The following RCAN1 variants were observed in gnomAD, a reference collection of about 807,000 sequenced individuals.
The protein encoded by RCAN1 is calcipressin-1.
In RCAN1, 11 loss-of-function variants were observed where a neutral mutation model predicts 22.9. The ratio of observed to expected loss-of-function variants is 0.48; its 90% CI spans 0.30 to 0.79. The LOEUF (loss-of-function observed/expected upper bound fraction) is 0.79. Ranked by LOEUF, RCAN1 falls within the 30% of genes least tolerant of loss-of-function variation. The pLI, the probability that RCAN1 is intolerant of heterozygous loss-of-function variation, is 0.06. For synonymous variants in RCAN1, 136 were observed against 142.3 expected, an observed-to-expected ratio of 0.96 and a Z score of 0.32; for missense variants, 291 against 337.8, an observed-to-expected ratio of 0.86 and a Z score of 1.09.
At chr21:34,605,973 G>A (rs1292325853) in intron 1 of RCAN1, among the ~76,000 whole-genome samples, 1 of 151,018 alleles carries the variant, frequency 6.6e-6, no homozygotes, top group Non-Finnish European at 1.5e-5. Context: ...AGAGTTAGCT[G>A]AAACTGGGTT....
At chr21:34,547,940 C>T (rs1412775811) in intron 1 of RCAN1, among the ~76,000 whole-genome samples, 1 of 152,094 alleles carries the variant, frequency 6.6e-6, no homozygotes, top group African/African-American at 2.4e-5. Flanking sequence ...GGAGGTGAGG[C>T]CTTTAGGAGG....
In RCAN1 at chr21:34,550,244, GA is replaced by G. The variant is rs1273963086; in HGVS notation, c.253-26535del. ...ATGAAGACAAAACTATTCTCAAAAA[GA>G]AATGGAAGAACCATGAAGTAATCTC... On this transcript the variant is annotated intron_variant, in intron 1 of 3. Coordinates refer to ENST00000313806, the MANE Select transcript of RCAN1 (RefSeq NM_004414.7). Among the ~76,000 whole-genome samples, 6 of 152,282 alleles carry G rather than the reference GA, an allele frequency of 3.9e-5. No homozygotes were observed. The East Asian group carries it at 1.2e-3, about 29-fold the overall frequency.
rs549536367 is a variant in RCAN1 at position 34,518,827 on chromosome 21, C to A, written c.587-571G>T. ...TTAGAACAACTTCTAATCCCCGGGA[C>A]CAGGAGTGTCCTGCTGTTCTATGTC... On this transcript the variant is annotated intron_variant, in intron 3 of 3. Coordinates refer to ENST00000313806, the MANE Select transcript of RCAN1 (RefSeq NM_004414.7). This position sits in a 1 kb window ranked among gnomAD's most constrained non-coding sequence, Gnocchi z 4.2. 2.0e-5 allele frequency among the ~76,000 whole-genome samples: 3 copies of A among 152,288 alleles called. No individual in the cohort carries two copies. In the South Asian group the frequency reaches 6.2e-4, roughly 32 times the overall value.
At chr21:34,547,830 C>T (rs576032794) in intron 1 of RCAN1, among the ~76,000 whole-genome samples, 9 of 152,308 alleles carry the variant, frequency 5.9e-5, no homozygotes, top group Non-Finnish European at 1.2e-4. Flanking sequence ...GACTTTTCAG[C>T]TTCCAGAACC....
At chr21:34,585,472 A>G (rs1389948407) in intron 1 of RCAN1, among the ~76,000 whole-genome samples, 2 of 152,180 alleles carry the variant, frequency 1.3e-5, no homozygotes, top group South Asian at 2.1e-4. Flanking sequence ...GGCCAGGCGC[A>G]GTGGCTCACA....
chr21:34,591,778 A>T (rs981423208), intron 1 of RCAN1, among the ~76,000 whole-genome samples: 1 of 152,168 alleles, frequency 6.6e-6, no homozygotes, highest in African/African-American at 2.4e-5. Flanking sequence ...AGGTCCAGGG[A>T]ACCTGGCCAT....
intron 1 of RCAN1, among the ~76,000 whole-genome samples, chr21:34,540,288 T>C (rs1985854256): frequency 6.6e-6 from 1 of 152,196 alleles, no homozygotes; most frequent in Non-Finnish European, 1.5e-5. Flanking sequence ...TTCCAGGCAG[T>C]AAGTCAGTTA....
At chr21:34,558,699 T>C (rs1007660122) in intron 1 of RCAN1, among the ~76,000 whole-genome samples, 1 of 152,358 alleles carries the variant, frequency 6.6e-6, no homozygotes, top group Non-Finnish European at 1.5e-5. Flanking sequence ...CACGGCATCT[T>C]CAAAAGGACA....
chr21:34,520,496 G>A (rs548008887), intron 3 of RCAN1, among the ~76,000 whole-genome samples: 6 of 152,276 alleles, frequency 3.9e-5, no homozygotes, highest in Non-Finnish European at 5.9e-5. Context: ...GGGAATTTCC[G>A]TTTGGACAAT....
rs1251798276 is a variant in RCAN1, at chr21:34,556,502, G to A, written c.253-32792C>T. The stretch of plus-strand genomic sequence containing the variant: ...AGCACTACCCATGCTAATTCTAAAG[G>A]GATGTGGCATAAGATGGCTTTCACA... On this transcript the variant is annotated intron_variant, in intron 1 of 3. Coordinates refer to ENST00000313806, the MANE Select transcript of RCAN1 (RefSeq NM_004414.7). 2.0e-5 allele frequency among the ~76,000 whole-genome samples: 3 copies of A among 151,512 alleles called. No individual in the cohort carries two copies. In the East Asian group the frequency reaches 5.8e-4, roughly 29 times the overall value.
intron 1 of RCAN1, among the ~76,000 whole-genome samples, chr21:34,578,698 T>C (rs1386990442): frequency 6.6e-6 from 1 of 152,100 alleles, no homozygotes; most frequent in Non-Finnish European, 1.5e-5. Flanking sequence ...CTCCTGAACT[T>C]TGTGGGTTCT....
intron 1 of RCAN1, among the ~76,000 whole-genome samples, chr21:34,534,657 C>T (rs1303017738): frequency 6.6e-6 from 1 of 152,164 alleles, no homozygotes; most frequent in Non-Finnish European, 1.5e-5. Flanking sequence ...TCTGGTGTGA[C>T]AGACTGAAGG....
rs749392569 is a variant in RCAN1, at chr21:34,523,586, A to C, written c.377T>G (p.Leu126Arg). 6.2e-7 allele frequency: 1 copy of C among 1,614,232 alleles called. No individual in the cohort carries two copies. Among genetic ancestry groups the C allele is most frequent in the Non-Finnish European group, 8.5e-7 (1 of 1,180,032 alleles). ...PFSAADARLQLHKTEFLGKEM... is the reference protein window; with the variant it reads ...PFSAADARLQRHKTEFLGKEM... ...CTTTCCCAGAAACTCAGTCTTATGC[A>C]GCTGGAGCCTGGCATCTGCTGCGGA... The change falls in exon 2 of 4, where the codon CTG becomes CGG. Residue 126 changes from leucine (L) to arginine (R), a missense_variant. Transcript: ENST00000313806.
chr21:34,546,685 C>T (rs926684898), intron 1 of RCAN1, among the ~76,000 whole-genome samples: 2 of 152,136 alleles, frequency 1.3e-5, no homozygotes, highest in African/African-American at 2.4e-5. Context: ...AGTCAGAAGA[C>T]GCAAACAACA....
intron 2 of RCAN1, 187 bp from the exon 3 acceptor site, chr21:34,521,845 T>A: frequency 1.7e-6 from 1 of 578,866 alleles, no homozygotes; most frequent in Non-Finnish European, 3.0e-6. Context: ...ACTCTGGTTG[T>A]GGCACAGATA....
chr21:34,535,055 A>G (rs1437163864), intron 1 of RCAN1, among the ~76,000 whole-genome samples: 1 of 152,260 alleles, frequency 6.6e-6, no homozygotes, highest in African/African-American at 2.4e-5. Flanking sequence ...TAAAGTATCC[A>G]GCATATAGGA....
intron 1 of RCAN1, among the ~76,000 whole-genome samples, chr21:34,536,233 T>C (rs1985665266): frequency 6.6e-6 from 1 of 152,206 alleles, no homozygotes; most frequent in Non-Finnish European, 1.5e-5. Context: ...GGAGGCAACA[T>C]TTATTTGGAG....
rs760123036 is a variant in RCAN1 at position 34,552,834 on chromosome 21, T to C, written c.253-29124A>G. ...AAAGCAATAAACTTATTTCCCTCCA[T>C]GGGCAATTTTAGTGGTTGAGTATAT... On this transcript the variant is annotated intron_variant, in intron 1 of 3. Coordinates refer to ENST00000313806, the MANE Select transcript of RCAN1 (RefSeq NM_004414.7). 1.5e-4 allele frequency among the ~76,000 whole-genome samples: 23 copies of C among 152,366 alleles called. 1 individual carries two copies. Among genetic ancestry groups the C allele is most frequent in the Middle Eastern group, 6.8e-3 (2 of 294 alleles).
At chr21:34,537,629 A>C (rs1253733728) in intron 1 of RCAN1, among the ~76,000 whole-genome samples, 3 of 152,220 alleles carry the variant, frequency 2.0e-5, no homozygotes, top group Admixed American at 2.0e-4. Flanking sequence ...ACCAGCCCCC[A>C]GGGCATTTCA....
Sources: gnomAD v4.1 joint callset for allele counts (sites outside exome capture counted in the v4.1 genomes callset) on GRCh38, gnomAD v4.1.1 for gene constraint, Gnocchi (gnomAD v3.1) non-coding constraint, MANE v1.5 for transcripts, NCBI Gene and HGNC (gene_info 2026-07-23, HGNC 2026-07-21) for gene names.